Variants in CDC42EP4 observed in about 807,000 individuals in gnomAD.
CDC42EP4 encodes the protein CDC42 effector protein (Rho GTPase binding) 4.
A neutral mutation model predicts 5.6 loss-of-function variants in CDC42EP4; 6 were observed. The observed-to-expected ratio is 1.07, with a 90% CI of 0.59 to 2.12. CDC42EP4 has a LOEUF of 2.12. CDC42EP4 is among the 30% of genes most tolerant of loss of function. The probability of loss-of-function intolerance (pLI) is 0.00; values close to 1 mark genes in which losing one functional copy is unlikely to be tolerated. For missense variants in CDC42EP4, 490 were observed against 508.6 expected, an observed-to-expected ratio of 0.96 and a Z score of 0.35; for synonymous variants, 230 against 224.2, an observed-to-expected ratio of 1.03 and a Z score of -0.23.
chr17:73,305,627 G>C (rs1407193435), intron 1 of CDC42EP4, among the ~76,000 whole-genome samples: 1 of 152,218 alleles, frequency 6.6e-6, no homozygotes, highest in African/African-American at 2.4e-5. Context: ...CCTGCCACGT[G>C]GGTCAAGTTA....
chr17:73,311,428 G>A (rs975019849), intron 1 of CDC42EP4: 7 of 152,436 alleles, frequency 4.6e-5, no homozygotes, highest in South Asian at 2.1e-4. Context: ...AGAACTCCGG[G>A]CGCACACACG....
chr17:73,305,082 G>A (rs2062238143), intron 1 of CDC42EP4, among the ~76,000 whole-genome samples: 1 of 152,220 alleles, frequency 6.6e-6, no homozygotes, highest in Non-Finnish European at 1.5e-5. Context: ...ACAGCACAGA[G>A]AAGGGAAGAA....
At chr17:73,288,334 C>T (rs564293775) in intron 1 of CDC42EP4, among the ~76,000 whole-genome samples, 11 of 152,184 alleles carry the variant, frequency 7.2e-5, no homozygotes, top group Admixed American at 4.6e-4. Context: ...TTCTGCCTCC[C>T]GGGTTCTAGC....
chr17:73,295,413 C>T (rs868239116), intron 1 of CDC42EP4, among the ~76,000 whole-genome samples: 6 of 152,246 alleles, frequency 3.9e-5, no homozygotes, highest in African/African-American at 1.4e-4. Flanking sequence ...CCATCTTGCC[C>T]AAATTAAGAG....
chr17:73,289,769 AAAGG>A (rs1382160403), intron 1 of CDC42EP4, among the ~76,000 whole-genome samples: 1 of 65,962 alleles, frequency 1.5e-5, no homozygotes, highest in Non-Finnish European at 3.9e-5. Flanking sequence ...GAGGGGAAGG[AAAGG>A]AAGGAAGGAA....
At chr17:73,294,970 G>A (rs1481099871) in intron 1 of CDC42EP4, among the ~76,000 whole-genome samples, 2 of 146,940 alleles carry the variant, frequency 1.4e-5, no homozygotes, top group South Asian at 2.2e-4. Flanking sequence ...TACCACACCC[G>A]GCTAATTTTT....
At chr17:73,288,884 G>A (rs113792074) in intron 1 of CDC42EP4, among the ~76,000 whole-genome samples, 194 of 152,342 alleles carry the variant, frequency 1.3e-3, no homozygotes, top group African/African-American at 4.4e-3. Context: ...GGCAGGGAGG[G>A]GGAGCCAGGC....
rs141752695 is a variant in CDC42EP4 at position 73,286,417 on chromosome 17, G to A, written c.84C>T (p.Ser28=). ...SRADLTAEMI[S]APLGDFRHTM... ...TGTGGCGGAAGTCGCCCAGCGGGGC[G>A]CTGATCATCTCGGCCGTGAGGTCCG... The change falls in exon 2 of 2, where the codon AGC becomes AGT. Residue 28 remains serine, a synonymous_variant. Coordinates refer to ENST00000335793, the MANE Select transcript of CDC42EP4 (RefSeq NM_012121.5). The surrounding 1 kb of genome is among the most constrained non-coding windows in gnomAD (Gnocchi z 7.7). 1.2e-5 allele frequency: 19 copies of A among 1,613,712 alleles called. No homozygotes were observed. The African/African-American group carries it at 1.6e-4, about 14-fold the overall frequency.
rs1265167738 is a variant in CDC42EP4 at position 73,284,622 on chromosome 17, G to A, written c.*808C>T. ...AGTATAAAGGTTTTCTAAAAGGATT[G>A]ATTCTCATTCTGAGGCAGACCTATT... On this transcript the variant is annotated 3_prime_UTR_variant, in exon 2 of 2. Coordinates refer to ENST00000335793, the MANE Select transcript of CDC42EP4 (RefSeq NM_012121.5). The A allele has an allele frequency of 6.6e-6, 1 of 152,166 alleles. No individual in the cohort carries two copies. Among genetic ancestry groups the A allele is most frequent in the East Asian group, 1.9e-4 (1 of 5,202 alleles). The allele number at this position is 152,166 out of a possible 1,614,324, so 9.4% of individuals were successfully genotyped here. A position where few individuals can be genotyped will look rare whatever the true frequency, so the allele number is the denominator to read the frequency against.
chr17:73,300,750 C>T (rs79115760), intron 1 of CDC42EP4, among the ~76,000 whole-genome samples: 5,562 of 152,108 alleles, frequency 0.037, 242 homozygotes, highest in African/African-American at 0.095. Flanking sequence ...AATAAACACA[C>T]AAAAATAAAA....
intron 1 of CDC42EP4, among the ~76,000 whole-genome samples, chr17:73,300,001 C>G (rs1378784109): frequency 6.6e-6 from 1 of 152,148 alleles, no homozygotes; most frequent in Non-Finnish European, 1.5e-5. Flanking sequence ...AGGAGTAGAT[C>G]AGCACAAGGC....
intron 1 of CDC42EP4, among the ~76,000 whole-genome samples, chr17:73,297,452 C>T (rs1352787520): frequency 6.6e-6 from 1 of 151,660 alleles, no homozygotes; most frequent in East Asian, 1.9e-4. Context: ...CCAGCTTGGG[C>T]AATAGAGTGA....
In CDC42EP4 at chr17:73,286,141, G is replaced by T; in HGVS notation, c.360C>A (p.Pro120=). 2 of 1,614,084 alleles carry T rather than the reference G, an allele frequency of 1.2e-6. No individual in the cohort carries two copies. Among genetic ancestry groups the T allele is most frequent in the Non-Finnish European group, 1.7e-6 (2 of 1,180,034 alleles). Residue 120 remains proline (P), a synonymous_variant, in exon 2 of 2, where the codon CCC becomes CCA. Coordinates refer to ENST00000335793, the MANE Select transcript of CDC42EP4 (RefSeq NM_012121.5). This position sits in a 1 kb window ranked among gnomAD's most constrained non-coding sequence, Gnocchi z 7.7. ...ALFVKNAMSL[P]QLNEKEAAEK... is the part of the protein sequence containing the mutation. ...CCGCGGCCTCCTTCTCATTGAGCTG[G>T]GGCAGGGACATGGCATTCTTGACAA...
At chr17:73,308,420 C>T (rs940685488) in intron 1 of CDC42EP4, among the ~76,000 whole-genome samples, 1 of 152,130 alleles carries the variant, frequency 6.6e-6, no homozygotes, top group Non-Finnish European at 1.5e-5. Flanking sequence ...CTCCAAGGGA[C>T]GGACTCCTCC....
chr17:73,286,144 C>T lies in CDC42EP4; in HGVS notation c.357G>A (p.Leu119=). 1 of 1,614,110 alleles carries T rather than the reference C, an allele frequency of 6.2e-7. No homozygotes were observed. Among genetic ancestry groups the T allele is most frequent in the Non-Finnish European group, 8.5e-7 (1 of 1,180,032 alleles). The part of the protein sequence containing the change: ...SALFVKNAMS[L]PQLNEKEAAE... ...CGGCCTCCTTCTCATTGAGCTGGGG[C>T]AGGGACATGGCATTCTTGACAAACA... Residue 119 remains leucine (L), a synonymous_variant, in exon 2 of 2, where the codon CTG becomes CTA. Transcript: ENST00000335793. This position sits in a 1 kb window ranked among gnomAD's most constrained non-coding sequence, Gnocchi z 7.7.
intron 1 of CDC42EP4, among the ~76,000 whole-genome samples, chr17:73,290,018 T>G (rs751703252): frequency 5.9e-5 from 9 of 152,220 alleles, no homozygotes; most frequent in Admixed American, 6.5e-5. Context: ...GGCAAATCCT[T>G]CAGGCTTCTA....
chr17:73,305,674 TTGATAACA>T (rs2062241373), intron 1 of CDC42EP4, among the ~76,000 whole-genome samples: 1 of 152,270 alleles, frequency 6.6e-6, no homozygotes, highest in African/African-American at 2.4e-5. Flanking sequence ...CTCAGAACAA[TTGATAACA>T]TTACATAACT....
intron 1 of CDC42EP4, among the ~76,000 whole-genome samples, chr17:73,299,650 C>T (rs1213308109): frequency 6.6e-6 from 1 of 152,124 alleles, no homozygotes; most frequent in Non-Finnish European, 1.5e-5. Flanking sequence ...CCATTTCTGG[C>T]AGACCTTGGA....
At chr17:73,288,997 C>G (rs998474410) in intron 1 of CDC42EP4, among the ~76,000 whole-genome samples, 1 of 152,222 alleles carries the variant, frequency 6.6e-6, no homozygotes, top group African/African-American at 2.4e-5. Context: ...CCTCCCTACC[C>G]TTAGGAAAGT....
Sources: allele counts gnomAD v4.1 joint callset (sites outside exome capture counted in the v4.1 genomes callset), GRCh38; gene constraint gnomAD v4.1.1; non-coding constraint Gnocchi (gnomAD v3.1); transcripts MANE v1.5; gene names NCBI Gene and HGNC (gene_info 2026-07-23, HGNC 2026-07-21).